Variants in PDE11A observed in about 807,000 individuals in gnomAD.
The protein encoded by PDE11A is phosphodiesterase 11A.
Under a neutral mutation model 100.5 loss-of-function variants are expected in PDE11A, and 100 were observed. The ratio of observed to expected loss-of-function variants is 1.00; its 90% CI spans 0.85 to 1.18. The LOEUF is 1.18. Ranked by LOEUF, PDE11A falls within the 50% of genes most tolerant of loss-of-function variation. PDE11A has a pLI of 0.00. For synonymous variants in PDE11A, 381 were observed against 420.8 expected (o/e 0.91, Z 1.16); for missense variants, 1,141 against 1,152.6 (o/e 0.99, Z 0.15).
intron 2 of PDE11A, among the ~76,000 whole-genome samples, chr2:177,979,771 C>T (rs142812620): frequency 0.019 from 2,862 of 149,632 alleles, 219 homozygotes; most frequent in South Asian, 0.049. Flanking sequence ...CCACCACGCC[C>T]GGCTCATTTT....
chr2:178,058,198 A>T (rs537071087), intron 1 of PDE11A, among the ~76,000 whole-genome samples: 1 of 152,226 alleles, frequency 6.6e-6, no homozygotes, highest in African/African-American at 2.4e-5. Context: ...TCCTAATCTG[A>T]CCTTGTAACC....
chr2:177,674,937 A>G (rs1414529266), intron 17 of PDE11A, among the ~76,000 whole-genome samples: 1 of 152,198 alleles, frequency 6.6e-6, no homozygotes, highest in Non-Finnish European at 1.5e-5. Context: ...TTCTTATAGA[A>G]CTAATGCTTT....
intron 3 of PDE11A, among the ~76,000 whole-genome samples, 193 bp from the exon 4 acceptor site, chr2:177,898,391 C>T (rs1332203874): frequency 6.6e-6 from 1 of 152,118 alleles, no homozygotes; most frequent in East Asian, 1.9e-4. Flanking sequence ...CTGCAAAATA[C>T]AACTTGAGAA....
chr2:177,778,342 C>A (rs1407775449), intron 9 of PDE11A, among the ~76,000 whole-genome samples: 2 of 152,114 alleles, frequency 1.3e-5, no homozygotes, highest in African/African-American at 4.8e-5. Flanking sequence ...TGGATTTGGG[C>A]AGCCATTTGC....
chr2:177,661,440 A>G (rs1414884128), intron 19 of PDE11A, among the ~76,000 whole-genome samples: 1 of 152,170 alleles, frequency 6.6e-6, no homozygotes, highest in Non-Finnish European at 1.5e-5. Flanking sequence ...CTTCCTACAA[A>G]TGGTGATTCC....
intron 5 of PDE11A, among the ~76,000 whole-genome samples, chr2:177,855,775 A>G (rs368798122): frequency 6.6e-6 from 1 of 152,186 alleles, no homozygotes; most frequent in Non-Finnish European, 1.5e-5. Flanking sequence ...CAATTGCTTC[A>G]GGTGGTGATA....
chr2:177,812,802 G>A (rs111408924), intron 9 of PDE11A, among the ~76,000 whole-genome samples: 18 of 152,136 alleles, frequency 1.2e-4, no homozygotes, highest in African/African-American at 2.7e-4. Context: ...GCTGTTAAGC[G>A]GGTAAAGAGG....
At chr2:177,845,600 A>T (rs928149368) in intron 5 of PDE11A, among the ~76,000 whole-genome samples, 9 of 151,956 alleles carry the variant, frequency 5.9e-5, no homozygotes, top group African/African-American at 1.9e-4. Flanking sequence ...GTGGCTGGGC[A>T]GAGACGCTCC....
At chr2:177,672,374 A>G (rs1362791048) in intron 17 of PDE11A, among the ~76,000 whole-genome samples, 2 of 152,226 alleles carry the variant, frequency 1.3e-5, no homozygotes, top group African/African-American at 2.4e-5. Context: ...GTGTTGAACA[A>G]CTGGAATTTA....
Position 177,629,347 on chromosome 2 carries a change from C to A in PDE11A, c.*60G>T. ...CTAAAAGAACAAAAGGATGACATTGCTGGACTGAAAATGGCCCTTCAGGCT... is the reference window on the plus strand; with the variant it reads ...CTAAAAGAACAAAAGGATGACATTGATGGACTGAAAATGGCCCTTCAGGCT... On this transcript the variant is annotated 3_prime_UTR_variant, in exon 20 of 20. Transcript: ENST00000286063. 7.0e-7 allele frequency: 1 copy of A among 1,427,754 alleles called. No individual in the cohort carries two copies. Among genetic ancestry groups the A allele is most frequent in the Non-Finnish European group, 9.9e-7 (1 of 1,010,862 alleles). 88.4% of individuals were successfully genotyped at this position (1,427,754 alleles called of 1,614,324 possible). A position where few individuals can be genotyped will look rare whatever the true frequency, so the allele number is the denominator to read the frequency against.
At position 177,672,200 on chromosome 2, in the gene PDE11A, A is replaced by T. The variant is rs190493103; in HGVS notation, c.2488-2633T>A. Among the ~76,000 whole-genome samples, 4 of 152,362 alleles carry T rather than the reference A, an allele frequency of 2.6e-5. No individual in the cohort carries two copies. The East Asian group carries it at 7.7e-4, about 29-fold the overall frequency. ...GTGGGCAGAGATGTGGAAAGAAGCT[A>T]GTCAACCACACAAATTCTTCACAAT... On this transcript the variant is annotated intron_variant, in intron 17 of 19. Coordinates refer to ENST00000286063, the MANE Select transcript of PDE11A (RefSeq NM_016953.4).
intron 10 of PDE11A, among the ~76,000 whole-genome samples, chr2:177,746,206 T>A (rs944616313): frequency 5.9e-5 from 9 of 152,004 alleles, no homozygotes; most frequent in Admixed American, 2.6e-4. Flanking sequence ...CTAAAAAAAA[T>A]TCGTAGGTAA....
chr2:177,901,699 C>T (rs1172932946), intron 3 of PDE11A, among the ~76,000 whole-genome samples: 2 of 152,178 alleles, frequency 1.3e-5, no homozygotes, highest in Admixed American at 6.5e-5. Flanking sequence ...CATGTTTAGA[C>T]ATTAAAAATG....
At chr2:177,817,780 T>C in intron 8 of PDE11A, 78 bp downstream of exon 8, 2 of 743,514 alleles carry the variant, frequency 2.7e-6, no homozygotes, top group South Asian at 2.9e-5. Context: ...CTAATAATTG[T>C]TTGTCTTTCA....
chr2:177,954,241 A>G (rs931977398), intron 2 of PDE11A, among the ~76,000 whole-genome samples: 1 of 152,076 alleles, frequency 6.6e-6, no homozygotes, highest in African/African-American at 2.4e-5. Context: ...TAACTCCACT[A>G]TCAGCCAAGT....
At chr2:177,937,474 C>T (rs999545630) in intron 2 of PDE11A, among the ~76,000 whole-genome samples, 13 of 151,952 alleles carry the variant, frequency 8.6e-5, no homozygotes, top group African/African-American at 3.1e-4. Context: ...CACACCACCA[C>T]ACCCAACTAA....
chr2:178,075,670 A>G (rs1559064222), upstream of PDE11A, among the ~76,000 whole-genome samples: 1 of 152,060 alleles, frequency 6.6e-6, no homozygotes, highest in Non-Finnish European at 1.5e-5. Flanking sequence ...TTCTATCAGC[A>G]ACCAGATACA....
At chr2:177,959,351 AG>A (rs1202212543) in intron 2 of PDE11A, among the ~76,000 whole-genome samples, 1 of 152,200 alleles carries the variant, frequency 6.6e-6, no homozygotes, top group Non-Finnish European at 1.5e-5. Flanking sequence ...CAGTGCCAAA[AG>A]TGCCCGTGGC....
chr2:177,809,124 T>C (rs2082912301), intron 9 of PDE11A, among the ~76,000 whole-genome samples: 1 of 151,962 alleles, frequency 6.6e-6, no homozygotes, highest in Non-Finnish European at 1.5e-5. Context: ...AGTGGGGAGT[T>C]AGTGTCTCAT....
Sources: allele counts gnomAD v4.1 joint callset (sites outside exome capture counted in the v4.1 genomes callset), GRCh38; gene constraint gnomAD v4.1.1; transcripts MANE v1.5; gene names NCBI Gene and HGNC (gene_info 2026-07-23, HGNC 2026-07-21).